The following POC1B variants were observed in gnomAD, a reference collection of about 807,000 sequenced individuals.
POC1B encodes the protein POC1 centriolar protein B.
In POC1B, 44 loss-of-function variants were observed where a neutral mutation model predicts 60.6. That is an observed-to-expected ratio of 0.73 (90% CI 0.57 to 0.93). The LOEUF is 0.93. Ranked by LOEUF, POC1B falls within the 40% of genes least tolerant of loss-of-function variation. The pLI, the probability that POC1B is intolerant of heterozygous loss-of-function variation, is 0.00. For missense variants in POC1B, 555 were observed against 572.3 expected (o/e 0.97, Z 0.31); for synonymous variants, 180 against 198.9 (o/e 0.90, Z 0.80).
At chr12:89,402,958 G>C in the POC1B span, among the ~76,000 whole-genome samples, 1 of 149,364 alleles carries the variant, frequency 6.7e-6, no homozygotes, top group Non-Finnish European at 1.5e-5. Context: ...CCTCTGCCTC[G>C]CACAGTGCTG....
At chr12:89,495,909 G>A (rs1191540213) in intron 3 of POC1B, among the ~76,000 whole-genome samples, 9 of 152,066 alleles carry the variant, frequency 5.9e-5, no homozygotes, top group Admixed American at 3.3e-4. Flanking sequence ...TTACAGGTGC[G>A]TGACACCACG....
chr12:89,490,576 C>T (rs1402844272), intron 4 of POC1B, among the ~76,000 whole-genome samples: 1 of 152,154 alleles, frequency 6.6e-6, no homozygotes, highest in Non-Finnish European at 1.5e-5. Flanking sequence ...AACTCCTGAC[C>T]TCAAGTGATC....
At chr12:89,489,273 C>T (rs561410859) in intron 4 of POC1B, among the ~76,000 whole-genome samples, 3 of 152,190 alleles carry the variant, frequency 2.0e-5, no homozygotes, top group Non-Finnish European at 4.4e-5. Flanking sequence ...TTACTACTAT[C>T]ATCTTCTTAT....
chr12:89,427,529 C>CA (rs1880821366), intron 10 of POC1B: 1 of 151,804 alleles, frequency 6.6e-6, no homozygotes, highest in Non-Finnish European at 1.5e-5. Flanking sequence ...CCCATCTCTA[C>CA]AAAAAATAAA....
chr12:89,466,419 A>G (rs1276857456), intron 9 of POC1B, among the ~76,000 whole-genome samples: 1 of 152,148 alleles, frequency 6.6e-6, no homozygotes, highest in Non-Finnish European at 1.5e-5. Context: ...TTCAATAACC[A>G]TTATAAAAAT....
At chr12:89,412,915 CTTT>C in the POC1B span, among the ~76,000 whole-genome samples, 2 of 150,750 alleles carry the variant, frequency 1.3e-5, no homozygotes, top group African/African-American at 4.9e-5. Flanking sequence ...TCCCTCCCTT[CTTT>C]GTCTCACTCA....
chr12:89,481,043 G>C (rs1011709328), intron 4 of POC1B, among the ~76,000 whole-genome samples: 2 of 66,880 alleles, frequency 3.0e-5, no homozygotes, highest in African/African-American at 9.8e-5. Context: ...AATTGTCAGG[G>C]CCTAATTGTT....
chr12:89,408,286 T>C, the POC1B span, among the ~76,000 whole-genome samples: 12 of 152,212 alleles, frequency 7.9e-5, no homozygotes, highest in African/African-American at 2.9e-4. Context: ...TGTGTCTTTA[T>C]AGTAGAATGA....
At chr12:89,491,738 T>C (rs145331933) in intron 4 of POC1B, among the ~76,000 whole-genome samples, 198 bp downstream of exon 4, 4 of 152,268 alleles carry the variant, frequency 2.6e-5, no homozygotes, top group Non-Finnish European at 4.4e-5. Context: ...TCCTACTTGT[T>C]TGTCTGTCTC....
At chr12:89,402,744 A>G in the POC1B span, among the ~76,000 whole-genome samples, 1 of 152,072 alleles carries the variant, frequency 6.6e-6, no homozygotes, top group East Asian at 1.9e-4. Context: ...GGACATACAT[A>G]CTTTCTTTTT....
chr12:89,459,602 T>C, intron 10 of POC1B, 36 bp downstream of exon 10: 1 of 1,155,448 alleles, frequency 8.7e-7, no homozygotes, highest in Non-Finnish European at 1.2e-6. Flanking sequence ...TAAATGCCAC[T>C]TAAGTGTCAA....
At chr12:89,417,851 T>G (rs1273212403), downstream of POC1B, among the ~76,000 whole-genome samples, 1 of 152,208 alleles carries the variant, frequency 6.6e-6, no homozygotes, top group Non-Finnish European at 1.5e-5. Context: ...ATTTAGTTTC[T>G]TGAAATGGGC....
downstream of POC1B, among the ~76,000 whole-genome samples, chr12:89,418,765 A>G (rs866778425): frequency 1.6e-4 from 24 of 152,132 alleles, no homozygotes; most frequent in African/African-American, 5.8e-4. Context: ...ACTTTCCACC[A>G]TGAGTGAAAG....
chr12:89,421,185 T>A lies in POC1B; in HGVS notation c.1405A>T (p.Lys469Ter). Residue 469 changes from lysine (K) to a stop codon, truncating the protein, a stop_gained, in exon 12 of 12, where the codon AAG becomes TAG. Transcript: ENST00000313546. LOFTEE classifies it high-confidence loss of function. ...KLKDCLENQQKLFSAVQQKS is the reference protein window; with the variant it reads ...KLKDCLENQQ ...TTCTGTTGGACAGCACTGAAAAGCT[T>A]TTGCTGATTTTCAAGGCAGTCTTTC... 1 of 1,601,696 alleles carries A rather than the reference T, an allele frequency of 6.2e-7. No individual in the cohort carries two copies. Among genetic ancestry groups the A allele is most frequent in the Non-Finnish European group, 8.5e-7 (1 of 1,170,584 alleles).
intron 2 of POC1B, among the ~76,000 whole-genome samples, chr12:89,511,134 C>A (rs2135758141): frequency 1.3e-5 from 2 of 152,138 alleles, no homozygotes; most frequent in South Asian, 4.2e-4. Flanking sequence ...TCAAAATAAT[C>A]CTGACTGGCC....
chr12:89,455,116 T>C (rs1006694988), intron 10 of POC1B, among the ~76,000 whole-genome samples: 2 of 152,118 alleles, frequency 1.3e-5, no homozygotes, highest in African/African-American at 4.8e-5. Flanking sequence ...GGTGGATCAC[T>C]TGAGGTCAGG....
In POC1B at chr12:89,508,107, T is replaced by C. The variant is rs115044906; in HGVS notation, c.101-10765A>G. On this transcript the variant is annotated intron_variant, in intron 2 of 11. Transcript: ENST00000313546. ...GCATTACTAATTTCTGGGGAATCCT[T>C]TGTGCTTATACAAATGTGTGTGTCT... Among the ~76,000 whole-genome samples the C allele has an allele frequency of 3.7e-3, 566 of 152,354 alleles. 1 individual carries two copies. The highest frequency in any genetic ancestry group is 0.013 in the African/African-American group (536 of 41,580).
At chr12:89,432,550 T>A (rs1327478279) in intron 10 of POC1B, among the ~76,000 whole-genome samples, 1 of 152,130 alleles carries the variant, frequency 6.6e-6, no homozygotes, top group African/African-American at 2.4e-5. Flanking sequence ...AAAGAGGCCC[T>A]GCTATCATGG....
At chr12:89,452,469 A>AT (rs1371053633) in intron 10 of POC1B, among the ~76,000 whole-genome samples, 6 of 152,216 alleles carry the variant, frequency 3.9e-5, no homozygotes, top group African/African-American at 7.2e-5. Flanking sequence ...ACGTTTGTCA[A>AT]TAGGAGTAAG....
Sources: gnomAD v4.1 joint callset for allele counts (sites outside exome capture counted in the v4.1 genomes callset) on GRCh38, gnomAD v4.1.1 for gene constraint, MANE v1.5 for transcripts, NCBI Gene and HGNC (gene_info 2026-07-23, HGNC 2026-07-21) for gene names.